CEP112: variants seen among roughly 807,000 people sequenced by gnomAD.
CEP112 encodes centrosomal protein of 112 kDa.
In CEP112, 127 loss-of-function variants were observed where a neutral mutation model predicts 153.0. The observed-to-expected ratio is 0.83, with a 90% confidence interval of 0.72 to 0.96. The LOEUF (loss-of-function observed/expected upper bound fraction) is 0.96. CEP112 is among the 40% of genes least tolerant of loss of function. The pLI is 0.00. For missense variants in CEP112, 1,089 were observed against 1,101.2 expected (o/e 0.99, Z 0.16); for synonymous variants, 358 against 374.4 (o/e 0.96, Z 0.51).
chr17:66,127,056 T>C (rs1271441227), intron 6 of CEP112, among the ~76,000 whole-genome samples: 1 of 152,174 alleles, frequency 6.6e-6, no homozygotes, highest in African/African-American at 2.4e-5. Context: ...GGTACAAATA[T>C]ATAAAAATGC....
At chr17:65,733,347 A>C (rs1364485137) in intron 23 of CEP112, among the ~76,000 whole-genome samples, 1 of 152,212 alleles carries the variant, frequency 6.6e-6, no homozygotes, top group Non-Finnish European at 1.5e-5. Flanking sequence ...AACAGATATA[A>C]TAATGAAAAG....
At chr17:66,156,855 T>C (rs1056470655) in intron 4 of CEP112, among the ~76,000 whole-genome samples, 9 of 151,774 alleles carry the variant, frequency 5.9e-5, no homozygotes, top group Admixed American at 5.9e-4. Context: ...AGGAACAAAG[T>C]CTCCAAGAAA....
chr17:65,674,709 A>G (rs1031663038), intron 24 of CEP112, among the ~76,000 whole-genome samples: 2 of 152,224 alleles, frequency 1.3e-5, no homozygotes, highest in Non-Finnish European at 2.9e-5. Context: ...AAGTGCCACT[A>G]CCTGTCTATC....
At chr17:66,039,393 A>G (rs772823492) in intron 12 of CEP112, among the ~76,000 whole-genome samples, 1 of 152,128 alleles carries the variant, frequency 6.6e-6, no homozygotes, top group Non-Finnish European at 1.5e-5. Flanking sequence ...GCAAACCCCT[A>G]TGGCAAAAAG....
chr17:66,148,150 T>C (rs1176684978), intron 4 of CEP112, among the ~76,000 whole-genome samples: 1 of 152,152 alleles, frequency 6.6e-6, no homozygotes, highest in Non-Finnish European at 1.5e-5. Context: ...AGGCACTTCT[T>C]ACATGGAGGC....
At chr17:65,874,031 C>T (rs1465897857) in intron 20 of CEP112, among the ~76,000 whole-genome samples, 1 of 152,148 alleles carries the variant, frequency 6.6e-6, no homozygotes, top group African/African-American at 2.4e-5. Context: ...TTCAATTCTA[C>T]ATTTCAGAAA....
intron 23 of CEP112, among the ~76,000 whole-genome samples, chr17:65,701,792 A>G (rs759763535): frequency 2.0e-5 from 3 of 151,840 alleles, no homozygotes; most frequent in Non-Finnish European, 2.9e-5. Flanking sequence ...CATTCATTCA[A>G]TTACCAAGTT....
chr17:66,086,911 G>A (rs2067960502), intron 8 of CEP112, among the ~76,000 whole-genome samples: 2 of 152,014 alleles, frequency 1.3e-5, no homozygotes, highest in Non-Finnish European at 2.9e-5. Context: ...AAAGATAGAT[G>A]AAACTAAGAT....
chr17:66,097,701 A>G (rs2068406514), intron 6 of CEP112, among the ~76,000 whole-genome samples: 1 of 152,330 alleles, frequency 6.6e-6, no homozygotes, highest in Middle Eastern at 3.4e-3. Context: ...GGGACCTAGC[A>G]CAATATCTAA....
At chr17:65,854,933 T>C (rs1221227456) in intron 20 of CEP112, among the ~76,000 whole-genome samples, 2 of 152,172 alleles carry the variant, frequency 1.3e-5, no homozygotes, top group Non-Finnish European at 2.9e-5. Flanking sequence ...ACAACAGTTA[T>C]GTGTTTGGGA....
intron 17 of CEP112, among the ~76,000 whole-genome samples, chr17:65,976,263 C>T (rs948167455): frequency 7.2e-5 from 11 of 152,224 alleles, no homozygotes; most frequent in African/African-American, 2.4e-4. Context: ...CACCTGGCCA[C>T]ACACCCAAAC....
At chr17:66,019,344 C>T (rs1393907778) in intron 16 of CEP112, among the ~76,000 whole-genome samples, 1 of 152,014 alleles carries the variant, frequency 6.6e-6, no homozygotes, top group African/African-American at 2.4e-5. Flanking sequence ...CCTATACATC[C>T]CATTTAGCTC....
chr17:66,085,020 C>T (rs765760403), intron 8 of CEP112, among the ~76,000 whole-genome samples: 30 of 151,894 alleles, frequency 2.0e-4, no homozygotes, highest in Non-Finnish European at 3.4e-4. Context: ...AAAAGTAGCA[C>T]AAATCAAAAG....
intron 20 of CEP112, among the ~76,000 whole-genome samples, chr17:65,894,148 A>G (rs958401807): frequency 6.6e-6 from 1 of 152,140 alleles, no homozygotes; most frequent in Admixed American, 6.6e-5. Flanking sequence ...TTCGAGGCCT[A>G]GGTGAAAAGG....
At chr17:65,971,342 A>C (rs2062785174) in intron 17 of CEP112, among the ~76,000 whole-genome samples, 1 of 152,226 alleles carries the variant, frequency 6.6e-6, no homozygotes, top group African/African-American at 2.4e-5. Flanking sequence ...TTACATGTAT[A>C]TGTATTTCAG....
intron 6 of CEP112, among the ~76,000 whole-genome samples, chr17:66,123,640 T>C (rs757587468): frequency 1.3e-5 from 2 of 152,216 alleles, no homozygotes; most frequent in South Asian, 4.1e-4. Context: ...ATTCTAGAAA[T>C]AGAAACCCCC....
intron 4 of CEP112, among the ~76,000 whole-genome samples, chr17:66,135,416 G>T (rs915363703): frequency 2.6e-5 from 4 of 152,148 alleles, no homozygotes; most frequent in Non-Finnish European, 4.4e-5. Context: ...ACAGAAAGTG[G>T]GAGAAAAGTT....
chr17:65,947,165 C>T (rs1309119751), intron 18 of CEP112, among the ~76,000 whole-genome samples: 3 of 152,176 alleles, frequency 2.0e-5, no homozygotes, highest in African/African-American at 4.8e-5. Flanking sequence ...CAGATATGTG[C>T]ATAACTCATT....
chr17:66,164,394 C>A (rs755731351), intron 4 of CEP112, among the ~76,000 whole-genome samples: 1 of 151,556 alleles, frequency 6.6e-6, no homozygotes, highest in African/African-American at 2.4e-5. Context: ...CCCGTCTCTA[C>A]CAAAAATACA....
Sources: allele counts gnomAD v4.1 joint callset (sites outside exome capture counted in the v4.1 genomes callset), GRCh38; gene constraint gnomAD v4.1.1; transcripts MANE v1.5; gene names NCBI Gene and HGNC (gene_info 2026-07-23, HGNC 2026-07-21).